Variants in VWC2 observed in about 807,000 individuals in gnomAD.
VWC2 encodes the protein von Willebrand factor C domain containing 2, also known as brorin.
VWC2 carries 14 observed loss-of-function variants against 29.8 expected under a neutral mutation model. The ratio of observed to expected loss-of-function variants is 0.47; its 90% confidence interval spans 0.31 to 0.74. VWC2 has a LOEUF of 0.74. Ranked by LOEUF, VWC2 falls within the 30% of genes least tolerant of loss-of-function variation. VWC2 has a pLI of 0.05. For missense variants in VWC2, 457 were observed against 459.8 expected (o/e 0.99, Z 0.05); for synonymous variants, 213 against 199.0 (o/e 1.07, Z -0.59).
At chr7:49,781,123 T>C (rs17632348) in intron 2 of VWC2, among the ~76,000 whole-genome samples, 41,961 of 152,158 alleles carry the variant, frequency 0.28, 6,128 homozygotes, top group Middle Eastern at 0.4. Flanking sequence ...CTGTGTTCTT[T>C]TCTGCAAGTC....
chr7:49,792,833 C>T (rs1181358231), intron 2 of VWC2, among the ~76,000 whole-genome samples: 4 of 152,152 alleles, frequency 2.6e-5, no homozygotes, highest in Non-Finnish European at 5.9e-5. Flanking sequence ...CGTGGGATTC[C>T]TCCTGTGCAT....
At chr7:49,858,416 G>A in intron 3 of VWC2, among the ~76,000 whole-genome samples, 1 of 152,072 alleles carries the variant, frequency 6.6e-6, no homozygotes, top group East Asian at 1.9e-4. Context: ...GGACATGGAT[G>A]AAGCTGAAAA....
chr7:49,898,686 A>G (rs1346658388), intron 3 of VWC2, among the ~76,000 whole-genome samples: 1 of 152,130 alleles, frequency 6.6e-6, no homozygotes, highest in Non-Finnish European at 1.5e-5. Context: ...AATGAATGAC[A>G]GCAGTAGGAC....
chr7:49,775,090 A>G (rs1788020540), intron 1 of VWC2, among the ~76,000 whole-genome samples: 1 of 151,946 alleles, frequency 6.6e-6, no homozygotes, highest in African/African-American at 2.4e-5. Flanking sequence ...CATCTCCAAC[A>G]CTAATCACGA....
chr7:49,855,529 C>T (rs998988037), intron 3 of VWC2, among the ~76,000 whole-genome samples: 1 of 152,150 alleles, frequency 6.6e-6, no homozygotes, highest in African/African-American at 2.4e-5. Flanking sequence ...AAGGAAGGCT[C>T]AGCGAGGACA....
chr7:49,810,195 G>A (rs1332619961), intron 3 of VWC2, among the ~76,000 whole-genome samples: 1 of 151,474 alleles, frequency 6.6e-6, no homozygotes, highest in African/African-American at 2.4e-5. Context: ...ACACAACTAT[G>A]GAGGCTAATA....
At chr7:49,779,055 G>A (rs112823882) in intron 2 of VWC2, among the ~76,000 whole-genome samples, 1 of 151,204 alleles carries the variant, frequency 6.6e-6, no homozygotes, top group Non-Finnish European at 1.5e-5. Context: ...GAGAGAGAGA[G>A]AGAGACAGAG....
intron 3 of VWC2, among the ~76,000 whole-genome samples, chr7:49,855,779 C>T (rs1790393470): frequency 6.6e-6 from 1 of 152,204 alleles, no homozygotes; most frequent in African/African-American, 2.4e-5. Flanking sequence ...GCCAGCCCAG[C>T]CCTCCCAGCT....
chr7:49,806,917 G>A (rs1166907250), intron 3 of VWC2, among the ~76,000 whole-genome samples: 1 of 152,020 alleles, frequency 6.6e-6, no homozygotes, highest in African/African-American at 2.4e-5. Flanking sequence ...AAAAATAAAG[G>A]AATTTACAAA....
intron 3 of VWC2, among the ~76,000 whole-genome samples, chr7:49,907,671 A>G (rs1393198054): frequency 6.6e-6 from 1 of 152,210 alleles, no homozygotes; most frequent in Non-Finnish European, 1.5e-5. Flanking sequence ...TAAGACATCA[A>G]TCAATACATG....
intron 3 of VWC2, among the ~76,000 whole-genome samples, chr7:49,904,654 A>G (rs1167962094): frequency 1.3e-5 from 2 of 152,170 alleles, no homozygotes; most frequent in Non-Finnish European, 2.9e-5. Context: ...ATTCAAAAAG[A>G]ACTTACCTAT....
intron 2 of VWC2, among the ~76,000 whole-genome samples, chr7:49,792,476 T>C (rs723977): frequency 0.62 from 94,124 of 152,012 alleles, 29,983 homozygotes; most frequent in African/African-American, 0.71. Context: ...GGTACCCCAG[T>C]GGGTTCAACA....
intron 2 of VWC2, among the ~76,000 whole-genome samples, chr7:49,801,652 G>A (rs1379293581): frequency 2.6e-5 from 4 of 152,244 alleles, no homozygotes; most frequent in South Asian, 4.1e-4. Context: ...ACAGAGCATC[G>A]TGATGCTGGA....
chr7:49,890,436 T>C (rs1181728439), intron 3 of VWC2, among the ~76,000 whole-genome samples: 3 of 152,190 alleles, frequency 2.0e-5, no homozygotes, highest in African/African-American at 4.8e-5. Flanking sequence ...TTACATAATA[T>C]GCTGTTTGAC....
At chr7:49,908,960 C>T (rs1793252120) in intron 3 of VWC2, among the ~76,000 whole-genome samples, 1 of 152,194 alleles carries the variant, frequency 6.6e-6, no homozygotes, top group Admixed American at 6.5e-5. Flanking sequence ...AAACTCATTA[C>T]AAGTGACTGT....
intron 3 of VWC2, among the ~76,000 whole-genome samples, chr7:49,819,146 T>A (rs1349288324): frequency 6.6e-6 from 1 of 152,132 alleles, no homozygotes; most frequent in African/African-American, 2.4e-5. Context: ...AGCCCTTCCT[T>A]CTGTATCGAA....
intron 3 of VWC2, among the ~76,000 whole-genome samples, chr7:49,820,569 A>G (rs372099000): frequency 6.2e-4 from 94 of 152,348 alleles, no homozygotes; most frequent in African/African-American, 2.0e-3. Context: ...TCTTTGAACT[A>G]AGTACTCTTG....
At chr7:49,900,571 T>C (rs961107722) in intron 3 of VWC2, among the ~76,000 whole-genome samples, 5 of 151,708 alleles carry the variant, frequency 3.3e-5, no homozygotes, top group Non-Finnish European at 5.9e-5. Flanking sequence ...AATGAACCAA[T>C]TCCTTGAAAG....
intron 2 of VWC2, among the ~76,000 whole-genome samples, chr7:49,785,288 G>A (rs962052907): frequency 6.6e-6 from 1 of 152,100 alleles, no homozygotes; most frequent in African/African-American, 2.4e-5. Flanking sequence ...GAGATGTTTC[G>A]ATACATGGAG....
Sources: gnomAD v4.1 joint callset for allele counts (sites outside exome capture counted in the v4.1 genomes callset) on GRCh38, gnomAD v4.1.1 for gene constraint, MANE v1.5 for transcripts, NCBI Gene and HGNC (gene_info 2026-07-23, HGNC 2026-07-21) for gene names.